CLN6: variants seen among roughly 807,000 people sequenced by gnomAD.
CLN6 encodes the protein CLN6 transmembrane ER protein, also known as ceroid-lipofuscinosis neuronal protein 6.
Under a neutral mutation model 33.3 loss-of-function variants are expected in CLN6, and 22 were observed. The ratio of observed to expected loss-of-function variants is 0.66; its 90% confidence interval spans 0.47 to 0.94. The LOEUF (loss-of-function observed/expected upper bound fraction) is 0.94. CLN6 is among the 40% of genes least tolerant of loss of function. The probability of loss-of-function intolerance (pLI) is 0.00; values close to 1 mark genes in which losing one functional copy is unlikely to be tolerated. For synonymous variants in CLN6, 201 were observed against 174.6 expected (o/e 1.15, Z -1.19); for missense variants, 387 against 417.1 (o/e 0.93, Z 0.63).
chr15:68,253,624 A>G (rs1466972730), intron 1 of CLN6, among the ~76,000 whole-genome samples: 1 of 152,242 alleles, frequency 6.6e-6, no homozygotes, highest in Non-Finnish European at 1.5e-5. Context: ...TTTAGTAACA[A>G]TCAATGTTAA....
In CLN6 at chr15:68,214,406, G is replaced by T. The variant is rs764354435; in HGVS notation, c.199-18C>A. On this transcript the variant is annotated intron_variant, in intron 2 of 6. Transcript: ENST00000249806. ...AATACCAGCTGCGGAGCAAATGGAAGAATGGGCTCACCTGGGCACAGCCCC... is the reference window on the plus strand; with the variant it reads ...AATACCAGCTGCGGAGCAAATGGAATAATGGGCTCACCTGGGCACAGCCCC... The T allele has an allele frequency of 4.7e-5, 75 of 1,596,262 alleles. No homozygotes were observed. Among genetic ancestry groups the T allele is most frequent in the Non-Finnish European group, 6.2e-5 (72 of 1,163,922 alleles).
rs779750025 is a variant in CLN6, at chr15:68,208,366, G to A, written c.710C>T (p.Thr237Ile). Reference protein sequence around the residue: ...EGQIFILFIFTFFAMLALVLH... With the variant: ...EGQIFILFIFIFFAMLALVLH... ...GACGAGGGCCAGCATGGCGAAGAAG[G>A]TGAAGATGAAGAGGATGAAGATCTG... The change falls in exon 7 of 7, where the codon ACC (threonine) becomes ATC (isoleucine). Residue 237 changes from threonine to isoleucine, a missense_variant. Coordinates refer to ENST00000249806, the MANE Select transcript of CLN6 (RefSeq NM_017882.3). This position sits in a 1 kb window ranked among gnomAD's most constrained non-coding sequence, Gnocchi z 5.8. 7.4e-6 allele frequency: 12 copies of A among 1,613,856 alleles called. No individual in the cohort carries two copies. Among genetic ancestry groups the A allele is most frequent in the Non-Finnish European group, 1.0e-5 (12 of 1,180,042 alleles).
At chr15:68,214,633 A>T in intron 2 of CLN6, 1 of 491,030 alleles carries the variant, frequency 2.0e-6, no homozygotes. Flanking sequence ...AGCAGATGCA[A>T]TTCCAGTCAA....
upstream of CLN6, among the ~76,000 whole-genome samples, chr15:68,230,540 A>G (rs1029105595): frequency 6.6e-6 from 1 of 152,230 alleles, no homozygotes; most frequent in African/African-American, 2.4e-5. This position sits in a 1 kb window ranked among gnomAD's most constrained non-coding sequence, Gnocchi z 4.0. Flanking sequence ...CCTGCAGGGC[A>G]GATTGCCAGG....
chr15:68,218,814 T>C (rs2093227773), intron 1 of CLN6, among the ~76,000 whole-genome samples, 164 bp from the exon 2 acceptor site: 1 of 152,190 alleles, frequency 6.6e-6, no homozygotes, highest in African/African-American at 2.4e-5. Flanking sequence ...GGTCTGGCCC[T>C]GTGGTCAAGG....
At position 68,256,015 on chromosome 15, in the gene CLN6, C is replaced by G. The variant is rs1468419296; in HGVS notation, c.179+675G>C. Reference sequence around the variant, plus strand: ...TGTTGCCCTGTCTGTTGTCCAACTCCTCGCCCGAAGTGATCCTCCTTCTTC... The same window carrying G: ...TGTTGCCCTGTCTGTTGTCCAACTCGTCGCCCGAAGTGATCCTCCTTCTTC... On this transcript the variant is annotated intron_variant, in intron 1 of 6. Coordinates refer to the CLN6 transcript ENST00000538696. This position sits in a 1 kb window ranked among gnomAD's most constrained non-coding sequence, Gnocchi z 4.1. Among the ~76,000 whole-genome samples, 1 of 151,712 alleles carries G rather than the reference C, an allele frequency of 6.6e-6. No homozygotes were observed. The highest frequency in any genetic ancestry group is 2.4e-5 in the African/African-American group (1 of 41,278).
chr15:68,245,032 C>CAAAAAAAAAAA (rs34008952), intron 1 of CLN6, among the ~76,000 whole-genome samples: 2 of 101,154 alleles, frequency 2.0e-5, no homozygotes, highest in Admixed American at 1.2e-4. Flanking sequence ...AAGACTCTGA[C>CAAAAAAAAAAA]AAAAAAAAAA....
rs1309868144 is a variant in CLN6, at chr15:68,246,437, A to G, written c.179+10253T>C. ...GGGATCTCAGAAACTACATAAACAC[A>G]TAGAAATTAAACAACTTACTCCTGA... On this transcript the variant is annotated intron_variant, in intron 1 of 6. Coordinates refer to the CLN6 transcript ENST00000538696. The surrounding 1 kb of genome is among the most constrained non-coding windows in gnomAD (Gnocchi z 4.5). Among the ~76,000 whole-genome samples, 1 of 152,172 alleles carries G rather than the reference A, an allele frequency of 6.6e-6. No homozygotes were observed. Among genetic ancestry groups the G allele is most frequent in the African/African-American group, 2.4e-5 (1 of 41,420 alleles).
chr15:68,245,805 A>G (rs1344371565), intron 1 of CLN6, among the ~76,000 whole-genome samples: 1 of 152,146 alleles, frequency 6.6e-6, no homozygotes, highest in Non-Finnish European at 1.5e-5. Context: ...ACATGAACAC[A>G]ATGAAGAATA....
chr15:68,249,157 A>G (rs529235311), intron 1 of CLN6, among the ~76,000 whole-genome samples: 1 of 152,354 alleles, frequency 6.6e-6, no homozygotes, highest in South Asian at 2.1e-4. Flanking sequence ...GACTTTTATC[A>G]AAAAGAAGGA....
chr15:68,220,851 T>C lies in CLN6; in HGVS notation c.84-2201A>G, dbSNP rs2093233810. 6.6e-6 allele frequency among the ~76,000 whole-genome samples: 1 copy of C among 152,162 alleles called. No individual in the cohort carries two copies. Among genetic ancestry groups the C allele is most frequent in the South Asian group, 2.1e-4 (1 of 4,826 alleles). ...CTATTCTGTTTTTTTGTTTTGTTTT[T>C]TGGAGACAGGGTCACCTAGGCTGGA... On this transcript the variant is annotated intron_variant, in intron 1 of 6. Coordinates refer to ENST00000249806, the MANE Select transcript of CLN6 (RefSeq NM_017882.3). The surrounding 1 kb of genome is among the most constrained non-coding windows in gnomAD (Gnocchi z 4.2).
Position 68,208,094 on chromosome 15 carries a change from G to GGCCCCCCCCCCCCCCC in CLN6, c.*45_*46insGGGGGGGGGGGGGGGC. The GGCCCCCCCCCCCCCCC allele has an allele frequency of 2.2e-6, 3 of 1,375,276 alleles. No homozygotes were observed. The highest frequency in any genetic ancestry group is 3.0e-6 in the Non-Finnish European group (3 of 992,022). The allele number at this position is 1,375,276 out of a possible 1,614,324, so 85.2% of individuals were successfully genotyped here. On this transcript the variant is annotated 3_prime_UTR_variant, in exon 7 of 7. Coordinates refer to ENST00000249806, the MANE Select transcript of CLN6 (RefSeq NM_017882.3). The surrounding 1 kb of genome is among the most constrained non-coding windows in gnomAD (Gnocchi z 5.8). ...CTCCTGTATTCAGATGCCCTCCATG[G>GGCCCCCCCCCCCCCCC]CCCACCCTCCCACCCAGCAGAGCGC...
At chr15:68,221,420 C>T (rs1191769617) in intron 1 of CLN6, among the ~76,000 whole-genome samples, 10 of 151,946 alleles carry the variant, frequency 6.6e-5, no homozygotes, top group African/African-American at 9.7e-5. Context: ...TTGGTGGAGA[C>T]GGGGTTTCGC....
upstream of CLN6, among the ~76,000 whole-genome samples, chr15:68,232,341 T>C (rs752198214): frequency 6.6e-5 from 10 of 152,096 alleles, no homozygotes; most frequent in Non-Finnish European, 1.2e-4. The surrounding 1 kb of genome is among the most constrained non-coding windows in gnomAD (Gnocchi z 4.7). Flanking sequence ...ATATTTTTAG[T>C]AGAGACGGGG....
upstream of CLN6, among the ~76,000 whole-genome samples, chr15:68,229,996 C>G (rs964271895): frequency 1.3e-5 from 2 of 152,146 alleles, no homozygotes; most frequent in Non-Finnish European, 1.5e-5. Context: ...GGGTAGCGAC[C>G]TGGAGATAGA....
chr15:68,240,198 A>G (rs1892268545), intron 1 of CLN6, among the ~76,000 whole-genome samples: 1 of 152,190 alleles, frequency 6.6e-6, no homozygotes, highest in South Asian at 2.1e-4. Context: ...TAAGAAGAAA[A>G]AAACTCCCAA....
At position 68,219,419 on chromosome 15, in the gene CLN6, G is replaced by GA. The variant is rs1305295075; in HGVS notation, c.84-770dup. 6.6e-6 allele frequency among the ~76,000 whole-genome samples: 1 copy of GA among 152,192 alleles called. No individual in the cohort carries two copies. On this transcript the variant is annotated intron_variant, in intron 1 of 6. Coordinates refer to ENST00000249806, the MANE Select transcript of CLN6 (RefSeq NM_017882.3). The surrounding 1 kb of genome is among the most constrained non-coding windows in gnomAD (Gnocchi z 4.2). ...CTCAGCAGTCCACAGTAGAACCTGA[G>GA]AAGGAGCCAGCAGAAGCAAGGTGAT...
intron 1 of CLN6, among the ~76,000 whole-genome samples, chr15:68,245,057 G>C (rs1892317373): frequency 7.0e-6 from 1 of 143,532 alleles, no homozygotes; most frequent in African/African-American, 2.6e-5. Flanking sequence ...AAAAGAGAGA[G>C]AGAGGCAATA....
rs2093233539 is a variant in CLN6 at position 68,220,757 on chromosome 15, G to A, written c.84-2107C>T. Among the ~76,000 whole-genome samples, 2 of 152,202 alleles carry A rather than the reference G, an allele frequency of 1.3e-5. No homozygotes were observed. Among genetic ancestry groups the A allele is most frequent in the African/African-American group, 4.8e-5 (2 of 41,454 alleles). ...GCTTTCTGTCACTTGCAACCCAGTC[G>A]TCCTGAATAACACACACAATTCAAA... On this transcript the variant is annotated intron_variant, in intron 1 of 6. Coordinates refer to ENST00000249806, the MANE Select transcript of CLN6 (RefSeq NM_017882.3). This position sits in a 1 kb window ranked among gnomAD's most constrained non-coding sequence, Gnocchi z 4.2.
Sources: gnomAD v4.1 joint callset for allele counts (sites outside exome capture counted in the v4.1 genomes callset) on GRCh38, gnomAD v4.1.1 for gene constraint, Gnocchi (gnomAD v3.1) non-coding constraint, MANE v1.5 for transcripts, NCBI Gene and HGNC (gene_info 2026-07-23, HGNC 2026-07-21) for gene names.